Variants in LGSN observed in about 807,000 individuals in gnomAD.
LGSN encodes lengsin.
LGSN carries 21 observed loss-of-function variants against 19.5 expected under a neutral mutation model. That is an observed-to-expected ratio of 1.07 (90% CI 0.76 to 1.55). The LOEUF (loss-of-function observed/expected upper bound fraction) is 1.55, where lower values mean the gene tolerates loss of function less well. LGSN is among the 40% of genes most tolerant of loss of function. The pLI is 0.00. For missense variants in LGSN, 673 were observed against 608.5 expected (o/e 1.11, Z -1.12); for synonymous variants, 257 against 215.6 (o/e 1.19, Z -1.68).
the LGSN span, among the ~76,000 whole-genome samples, chr6:63,440,012 T>A: frequency 6.6e-6 from 1 of 152,386 alleles, no homozygotes; most frequent in African/African-American, 2.4e-5. Context: ...GTCTACTATA[T>A]TCCAGGTGCT....
chr6:63,496,004 G>A, the LGSN span, among the ~76,000 whole-genome samples: 3 of 151,330 alleles, frequency 2.0e-5, no homozygotes, highest in East Asian at 2.0e-4. Context: ...TTGGCTTACC[G>A]CAACCTCTGC....
the LGSN span, among the ~76,000 whole-genome samples, chr6:63,422,420 C>G: frequency 6.6e-6 from 1 of 151,988 alleles, no homozygotes; most frequent in Non-Finnish European, 1.5e-5. Flanking sequence ...TTCTAATGTC[C>G]AGTGTTGATA....
chr6:63,538,496 A>C, the LGSN span, among the ~76,000 whole-genome samples: 3 of 152,378 alleles, frequency 2.0e-5, no homozygotes, highest in South Asian at 6.2e-4. Context: ...CTAAGTGATA[A>C]AGTTACATGT....
At chr6:63,367,097 A>G in the LGSN span, among the ~76,000 whole-genome samples, 3 of 152,204 alleles carry the variant, frequency 2.0e-5, no homozygotes, top group African/African-American at 7.2e-5. Context: ...AATAGGATCT[A>G]ATTAAACTAA....
the LGSN span, among the ~76,000 whole-genome samples, chr6:63,392,926 G>A: frequency 8.8e-3 from 1,110 of 125,808 alleles, 18 homozygotes; most frequent in African/African-American, 0.033. Context: ...TTGCTCTGTC[G>A]CCCAGGCTGG....
the LGSN span, among the ~76,000 whole-genome samples, chr6:63,545,269 G>A: frequency 1.3e-5 from 2 of 152,116 alleles, no homozygotes; most frequent in Non-Finnish European, 2.9e-5. Context: ...TTTTCCTTCT[G>A]CCTTTGAGTA....
chr6:63,432,075 G>C, the LGSN span, among the ~76,000 whole-genome samples: 14 of 113,248 alleles, frequency 1.2e-4, no homozygotes, highest in African/African-American at 4.8e-4. Context: ...ACTCCATCTC[G>C]AAAGAAAAAG....
the LGSN span, among the ~76,000 whole-genome samples, chr6:63,339,028 C>A: frequency 6.6e-6 from 1 of 152,038 alleles, no homozygotes; most frequent in African/African-American, 2.4e-5. Flanking sequence ...CTATTTTTAT[C>A]TGAGTAGCAA....
the LGSN span, among the ~76,000 whole-genome samples, chr6:63,555,692 C>CTTTT: frequency 7.4e-6 from 1 of 135,006 alleles, no homozygotes; most frequent in Non-Finnish European, 1.6e-5. Flanking sequence ...CAATTACACT[C>CTTTT]TTTTTTTTTT....
At chr6:63,364,873 G>A in the LGSN span, among the ~76,000 whole-genome samples, 3 of 152,150 alleles carry the variant, frequency 2.0e-5, no homozygotes, top group Non-Finnish European at 4.4e-5. Context: ...AAATAAAGAT[G>A]TTCTTTGAAC....
chr6:63,283,965 G>T (rs1767426710), intron 3 of LGSN, among the ~76,000 whole-genome samples: 1 of 152,104 alleles, frequency 6.6e-6, no homozygotes, highest in Non-Finnish European at 1.5e-5. Flanking sequence ...GTCCCAAAGT[G>T]CTGGGATTAC....
At chr6:63,285,463 T>G in intron 3 of LGSN, 124 bp downstream of exon 3, 1 of 769,102 alleles carries the variant, frequency 1.3e-6, no homozygotes, top group East Asian at 2.7e-5. Context: ...AGAAACAAAA[T>G]AAGTTATTGA....
chr6:63,432,158 AAAG>A, the LGSN span, among the ~76,000 whole-genome samples: 66 of 115,292 alleles, frequency 5.7e-4, 2 homozygotes, highest in Non-Finnish European at 9.2e-4. Flanking sequence ...AGAAAGAAAG[AAAG>A]AAAGAAAGAA....
the LGSN span, among the ~76,000 whole-genome samples, chr6:63,412,394 A>AGAAGGAAG: frequency 5.3e-4 from 73 of 138,852 alleles, no homozygotes; most frequent in South Asian, 1.5e-3. Context: ...GAGAGATGAA[A>AGAAGGAAG]GAAGGAAAGA....
At chr6:63,532,477 T>C in the LGSN span, among the ~76,000 whole-genome samples, 1 of 152,068 alleles carries the variant, frequency 6.6e-6, no homozygotes, top group Non-Finnish European at 1.5e-5. Context: ...CAGTGGATGG[T>C]AGGACTATTT....
intron 1 of LGSN, among the ~76,000 whole-genome samples, chr6:63,312,167 A>G (rs1019358377): frequency 2.0e-5 from 3 of 152,198 alleles, no homozygotes; most frequent in Non-Finnish European, 4.4e-5. Context: ...CCCATTGTGT[A>G]TATATATCAC....
the LGSN span, among the ~76,000 whole-genome samples, chr6:63,533,996 A>G: frequency 1.6e-4 from 25 of 151,950 alleles, no homozygotes; most frequent in African/African-American, 6.0e-4. Flanking sequence ...GGTGCACACC[A>G]CCATGCCTGG....
the LGSN span, among the ~76,000 whole-genome samples, chr6:63,536,848 A>C: frequency 1.3e-5 from 2 of 152,110 alleles, no homozygotes; most frequent in Admixed American, 1.3e-4. Flanking sequence ...TCTTAGCAGC[A>C]TAGTCTTTTT....
At chr6:63,379,032 G>A in the LGSN span, among the ~76,000 whole-genome samples, 5 of 152,160 alleles carry the variant, frequency 3.3e-5, no homozygotes, top group South Asian at 4.1e-4. Flanking sequence ...TCACCTCTAA[G>A]TGGATAGGCA....
Sources: allele counts gnomAD v4.1 joint callset (sites outside exome capture counted in the v4.1 genomes callset), GRCh38; gene constraint gnomAD v4.1.1; transcripts MANE v1.5; gene names NCBI Gene and HGNC (gene_info 2026-07-23, HGNC 2026-07-21).